Variants in HSD17B12 observed in about 807,000 individuals in gnomAD.
The protein encoded by HSD17B12 is hydroxysteroid 17-beta dehydrogenase 12.
A neutral mutation model predicts 39.3 loss-of-function variants in HSD17B12; 32 were observed. The observed-to-expected ratio is 0.81, with a 90% CI of 0.61 to 1.09. The LOEUF (loss-of-function observed/expected upper bound fraction) is 1.09. Ranked by LOEUF, HSD17B12 falls within the 50% of genes least tolerant of loss-of-function variation. HSD17B12 has a pLI of 0.00. For missense variants in HSD17B12, 342 were observed against 382.9 expected (o/e 0.89, Z 0.89); for synonymous variants, 150 against 146.7 (o/e 1.02, Z -0.16).
chr11:43,780,733 T>TA (rs1950757093), intron 3 of HSD17B12, among the ~76,000 whole-genome samples: 1 of 152,172 alleles, frequency 6.6e-6, no homozygotes, highest in Non-Finnish European at 1.5e-5. Flanking sequence ...GCATGGTTCT[T>TA]TAATGCATTA....
chr11:43,747,119 T>C (rs887520231), intron 1 of HSD17B12, among the ~76,000 whole-genome samples: 5 of 152,242 alleles, frequency 3.3e-5, no homozygotes, highest in African/African-American at 1.2e-4. Flanking sequence ...TTGCGTGTTT[T>C]GCAACTTTTT....
the HSD17B12 span, among the ~76,000 whole-genome samples, chr11:43,665,766 C>G: frequency 3.4e-3 from 516 of 152,224 alleles, 3 homozygotes; most frequent in East Asian, 0.03. Context: ...CACGCACACA[C>G]GCGCATGCAC....
the HSD17B12 span, among the ~76,000 whole-genome samples, chr11:43,674,313 T>C: frequency 6.6e-6 from 1 of 152,230 alleles, no homozygotes; most frequent in Non-Finnish European, 1.5e-5. Flanking sequence ...TAAAATTTAT[T>C]CAGCGACAAA....
At chr11:43,854,955 C>G in intron 10 of HSD17B12, 91 bp downstream of exon 10, 1 of 1,310,798 alleles carries the variant, frequency 7.6e-7, no homozygotes, top group Non-Finnish European at 1.1e-6. Flanking sequence ...TAGATTAGCA[C>G]ATATACATTG....
the HSD17B12 span, among the ~76,000 whole-genome samples, chr11:43,581,976 A>G: frequency 2.0e-5 from 3 of 152,154 alleles, no homozygotes. The surrounding 1 kb of genome is among the most constrained non-coding windows in gnomAD (Gnocchi z 4.9). Flanking sequence ...GGAGGCCCTT[A>G]GTATCTTATG....
intron 3 of HSD17B12, among the ~76,000 whole-genome samples, chr11:43,775,442 G>A (rs1192170746): frequency 6.6e-6 from 1 of 151,964 alleles, no homozygotes; most frequent in East Asian, 1.9e-4. Context: ...ATCATTTGGT[G>A]GCTCCTGATC....
At chr11:43,708,536 C>A (rs1950036122) in intron 1 of HSD17B12, among the ~76,000 whole-genome samples, 1 of 152,212 alleles carries the variant, frequency 6.6e-6, no homozygotes, top group South Asian at 2.1e-4. Context: ...AGAATAACCC[C>A]ATTTTTGCTG....
At chr11:43,834,784 G>A (rs1031081016) in intron 7 of HSD17B12, among the ~76,000 whole-genome samples, 2 of 152,046 alleles carry the variant, frequency 1.3e-5, no homozygotes, top group African/African-American at 2.4e-5. Flanking sequence ...TATAGAGTTG[G>A]GCGAATTTAA....
the HSD17B12 span, among the ~76,000 whole-genome samples, chr11:43,619,484 G>A: frequency 6.7e-6 from 1 of 150,220 alleles, no homozygotes; most frequent in Non-Finnish European, 1.5e-5. Context: ...CCACCTCCCA[G>A]GTTCAAGCGA....
chr11:43,580,878 T>C, the HSD17B12 span, among the ~76,000 whole-genome samples: 1 of 152,100 alleles, frequency 6.6e-6, no homozygotes, highest in Non-Finnish European at 1.5e-5. Context: ...TCCGCACCAA[T>C]GAGCTGGCGG....
chr11:43,566,006 C>T, the HSD17B12 span, among the ~76,000 whole-genome samples: 1 of 144,270 alleles, frequency 6.9e-6, no homozygotes, highest in Non-Finnish European at 1.5e-5. Context: ...TCTGGAGAAC[C>T]CAGCCAGGGC....
At chr11:43,583,601 G>T in the HSD17B12 span, among the ~76,000 whole-genome samples, 1 of 152,124 alleles carries the variant, frequency 6.6e-6, no homozygotes, top group East Asian at 1.9e-4. Context: ...CCTTAGGGCG[G>T]TTATGTCAGT....
At chr11:43,757,646 A>AC (rs1950519553) in intron 3 of HSD17B12, among the ~76,000 whole-genome samples, 1 of 137,172 alleles carries the variant, frequency 7.3e-6, no homozygotes, top group African/African-American at 2.8e-5. Flanking sequence ...TCTCAAAAAA[A>AC]AAAAAAAAAA....
At chr11:43,736,063 G>A (rs2134900760) in intron 1 of HSD17B12, among the ~76,000 whole-genome samples, 1 of 152,296 alleles carries the variant, frequency 6.6e-6, no homozygotes, top group South Asian at 2.1e-4. Flanking sequence ...CATAAAGATT[G>A]ATAGCCTTTT....
At chr11:43,814,092 T>C (rs1241252873) in intron 4 of HSD17B12, among the ~76,000 whole-genome samples, 1 of 152,178 alleles carries the variant, frequency 6.6e-6, no homozygotes, top group African/African-American at 2.4e-5. Context: ...AACTGAAACT[T>C]CTCTTTTTTA....
intron 1 of HSD17B12, among the ~76,000 whole-genome samples, chr11:43,691,521 A>C (rs953060439): frequency 6.6e-6 from 1 of 152,136 alleles, no homozygotes; most frequent in Admixed American, 6.6e-5. Flanking sequence ...CTACCACTAC[A>C]GTCTCTCTCG....
chr11:43,601,528 C>A, the HSD17B12 span, among the ~76,000 whole-genome samples: 2 of 146,630 alleles, frequency 1.4e-5, no homozygotes, highest in Admixed American at 6.8e-5. Context: ...TTAAAGTAGC[C>A]TGAGGGCAAA....
chr11:43,568,146 G>A, the HSD17B12 span, among the ~76,000 whole-genome samples: 2 of 151,810 alleles, frequency 1.3e-5, no homozygotes, highest in African/African-American at 2.4e-5. Flanking sequence ...TGCCCGGGAC[G>A]GAGTGTGCAG....
At chr11:43,591,886 A>G in the HSD17B12 span, among the ~76,000 whole-genome samples, 3 of 152,042 alleles carry the variant, frequency 2.0e-5, no homozygotes, top group South Asian at 2.1e-4. Context: ...GTAACTTTCC[A>G]TAGGGAGTTT....
Sources: allele counts gnomAD v4.1 joint callset (sites outside exome capture counted in the v4.1 genomes callset), GRCh38; gene constraint gnomAD v4.1.1; non-coding constraint Gnocchi (gnomAD v3.1); transcripts MANE v1.5; gene names NCBI Gene and HGNC (gene_info 2026-07-23, HGNC 2026-07-21).